SDK1: variants seen among roughly 807,000 people sequenced by gnomAD.
SDK1 encodes the protein sidekick cell adhesion molecule 1.
SDK1 carries 157 observed loss-of-function variants against 245.5 expected under a neutral mutation model. That is an observed-to-expected ratio of 0.64 (90% confidence interval 0.56 to 0.73). The LOEUF is 0.73. Among genes scored for constraint, SDK1 ranks in the 30% least tolerant of loss-of-function variants. SDK1 has a pLI of 0.00. For synonymous variants in SDK1, 1,647 were observed against 1,278.5 expected, an observed-to-expected ratio of 1.29 and a Z score of -6.15; for missense variants, 3,583 against 3,002.3, an observed-to-expected ratio of 1.19 and a Z score of -4.52.
At chr7:3,358,714 C>T (rs1371251577) in intron 1 of SDK1, among the ~76,000 whole-genome samples, 1 of 152,192 alleles carries the variant, frequency 6.6e-6, no homozygotes, top group Non-Finnish European at 1.5e-5. Context: ...ATCCAATTGG[C>T]AGTCATCCCC....
rs148607517 is a variant in SDK1, at chr7:3,664,895, C to G, written c.713+22790C>G. 3.3e-4 allele frequency among the ~76,000 whole-genome samples: 50 copies of G among 152,180 alleles called. No homozygotes were observed. The East Asian group carries it at 9.5e-3, about 29-fold the overall frequency. On this transcript the variant is annotated intron_variant, in intron 4 of 44. Coordinates refer to ENST00000404826, the MANE Select transcript of SDK1 (RefSeq NM_152744.4). Reference sequence around the variant, plus strand: ...GAAACAGAAACTGTTACTTTCATATCTTATTTGAAAAATGGCAATGATTTT... The same window carrying G: ...GAAACAGAAACTGTTACTTTCATATGTTATTTGAAAAATGGCAATGATTTT...
intron 2 of SDK1, among the ~76,000 whole-genome samples, chr7:3,630,252 C>G (rs1297757030): frequency 2.0e-5 from 3 of 152,032 alleles, no homozygotes; most frequent in African/African-American, 4.8e-5. Flanking sequence ...ACTGGAGTTA[C>G]CAGCCAGTGC....
intron 14 of SDK1, among the ~76,000 whole-genome samples, chr7:4,000,323 G>A (rs1048875632): frequency 1.3e-5 from 2 of 152,212 alleles, no homozygotes; most frequent in Non-Finnish European, 2.9e-5. Flanking sequence ...GGTGCCCCCA[G>A]CGGCCTGATG....
In SDK1 at chr7:4,026,228, C is replaced by T. The variant is rs1311801269; in HGVS notation, c.2602+8876C>T. On this transcript the variant is annotated intron_variant, in intron 17 of 44. Transcript: ENST00000404826. The surrounding 1 kb of genome is among the most constrained non-coding windows in gnomAD (Gnocchi z 4.1). Reference sequence around the variant, plus strand: ...ATGCAATTTTCAGATGCGGAGAATGCAGAGACAGGGCATGGGAAGTGGGGG... The same window carrying T: ...ATGCAATTTTCAGATGCGGAGAATGTAGAGACAGGGCATGGGAAGTGGGGG... 6.6e-6 allele frequency among the ~76,000 whole-genome samples: 1 copy of T among 152,178 alleles called. No homozygotes were observed. The highest frequency in any genetic ancestry group is 2.4e-5 in the African/African-American group (1 of 41,440).
chr7:3,351,341 C>T (rs1414324798), intron 1 of SDK1, among the ~76,000 whole-genome samples: 2 of 151,948 alleles, frequency 1.3e-5, no homozygotes, highest in Non-Finnish European at 2.9e-5. Context: ...TTACTCAACA[C>T]AAGGAGAAAA....
chr7:4,132,486 C>A, intron 28 of SDK1, 63 bp downstream of exon 28: 1 of 1,174,602 alleles, frequency 8.5e-7, no homozygotes, highest in Non-Finnish European at 1.2e-6. Context: ...CCTTGGGAGA[C>A]CGAGGCAGGT....
chr7:3,550,008 C>T (rs1451126403), intron 1 of SDK1, among the ~76,000 whole-genome samples: 10 of 152,054 alleles, frequency 6.6e-5, no homozygotes, highest in African/African-American at 2.4e-4. Context: ...TGTAATATGC[C>T]TATTAAACAT....
At chr7:3,767,397 G>A (rs1203442531) in intron 4 of SDK1, among the ~76,000 whole-genome samples, 1 of 152,212 alleles carries the variant, frequency 6.6e-6, no homozygotes, top group Non-Finnish European at 1.5e-5. Flanking sequence ...GTGCCGAGTG[G>A]TCCTGAAAGC....
chr7:4,200,909 C>T (rs148824669), intron 35 of SDK1, among the ~76,000 whole-genome samples: 1 of 152,204 alleles, frequency 6.6e-6, no homozygotes, highest in South Asian at 2.1e-4. Flanking sequence ...ATTGCCATGC[C>T]CATGCATTAC....
intron 1 of SDK1, among the ~76,000 whole-genome samples, chr7:3,425,218 C>T (rs1314431343): frequency 1.3e-5 from 2 of 151,682 alleles, no homozygotes; most frequent in Admixed American, 1.3e-4. Flanking sequence ...GTGAAGTGAG[C>T]TCAGGGAGAC....
At chr7:3,582,453 C>G (rs756806989) in intron 1 of SDK1, among the ~76,000 whole-genome samples, 15 of 142,322 alleles carry the variant, frequency 1.1e-4, no homozygotes, top group African/African-American at 2.3e-4. Context: ...AGGTAGGTCT[C>G]CCTCAGGTAG....
At chr7:3,544,832 G>C (rs1562552939) in intron 1 of SDK1, among the ~76,000 whole-genome samples, 1 of 152,188 alleles carries the variant, frequency 6.6e-6, no homozygotes, top group Non-Finnish European at 1.5e-5. Context: ...GGTTGAGTGA[G>C]GTGTCACTGC....
At chr7:3,478,873 T>C (rs1781425794) in intron 1 of SDK1, among the ~76,000 whole-genome samples, 1 of 152,218 alleles carries the variant, frequency 6.6e-6, no homozygotes, top group South Asian at 2.1e-4. Flanking sequence ...TTAGTTCCAA[T>C]ATATGGTGTT....
intron 3 of SDK1, 37 bp from the exon 4 acceptor site, chr7:3,641,921 T>A: frequency 6.3e-7 from 1 of 1,586,130 alleles, no homozygotes; most frequent in Non-Finnish European, 8.6e-7. Context: ...CCCAAAAATG[T>A]TTTCTAGAAC....
chr7:3,536,256 C>T (rs1029563340), intron 1 of SDK1, among the ~76,000 whole-genome samples: 10 of 151,238 alleles, frequency 6.6e-5, no homozygotes, highest in South Asian at 2.1e-4. Flanking sequence ...TTACTAGAGA[C>T]GGGGTTGCAC....
intron 12 of SDK1, among the ~76,000 whole-genome samples, 161 bp downstream of exon 12, chr7:3,971,729 A>C (rs1014752194): frequency 1.3e-5 from 2 of 152,134 alleles, no homozygotes; most frequent in African/African-American, 4.8e-5. Context: ...TAATCATGCA[A>C]ATCCCATTTT....
At chr7:3,452,763 G>C (rs1780554511) in intron 1 of SDK1, among the ~76,000 whole-genome samples, 1 of 152,154 alleles carries the variant, frequency 6.6e-6, no homozygotes, top group Non-Finnish European at 1.5e-5. Context: ...CACCCTGTTA[G>C]AAATCCCCGC....
At chr7:3,771,086 G>C (rs1370057396) in intron 4 of SDK1, among the ~76,000 whole-genome samples, 1 of 152,106 alleles carries the variant, frequency 6.6e-6, no homozygotes, top group Non-Finnish European at 1.5e-5. Context: ...TGGCTCTGCT[G>C]ATCTGGACTG....
rs150341471 is a variant in SDK1 at position 3,608,453 on chromosome 7, G to A, written c.299-10627G>A. Among the ~76,000 whole-genome samples, 95 of 152,226 alleles carry A rather than the reference G, an allele frequency of 6.2e-4. 3 individuals are homozygous for A. The East Asian group carries it at 0.017, about 27-fold the overall frequency. ...ATTTTCTTGAAAATGAAGAAAATAAGCTTGTTGCATCAATGAAAACAACTG... is the reference window on the plus strand; with the variant it reads ...ATTTTCTTGAAAATGAAGAAAATAAACTTGTTGCATCAATGAAAACAACTG... On this transcript the variant is annotated intron_variant, in intron 1 of 44. Transcript: ENST00000404826.
Sources: gnomAD v4.1 joint callset for allele counts (sites outside exome capture counted in the v4.1 genomes callset) on GRCh38, gnomAD v4.1.1 for gene constraint, Gnocchi (gnomAD v3.1) non-coding constraint, MANE v1.5 for transcripts, NCBI Gene and HGNC (gene_info 2026-07-23, HGNC 2026-07-21) for gene names.